GPHN: variants seen among roughly 807,000 people sequenced by gnomAD.
GPHN encodes the protein gephyrin.
In GPHN, 17 loss-of-function variants were observed where a neutral mutation model predicts 95.5. The ratio of observed to expected loss-of-function variants is 0.18; its 90% CI spans 0.12 to 0.27. GPHN has a LOEUF of 0.27. Ranked by LOEUF, GPHN falls within the 10% of genes least tolerant of loss-of-function variation. GPHN has a pLI of 1.00. For missense variants in GPHN, 660 were observed against 978.1 expected, an observed-to-expected ratio of 0.67 and a Z score of 4.34; for synonymous variants, 320 against 322.5, an observed-to-expected ratio of 0.99 and a Z score of 0.08.
intron 18 of GPHN, among the ~76,000 whole-genome samples, chr14:67,150,448 A>AC (rs1567410488): frequency 7.7e-5 from 11 of 143,144 alleles, no homozygotes; most frequent in African/African-American, 2.9e-4. Context: ...CTCAAAAAAA[A>AC]AAAACAAAAA....
chr14:67,647,183 T>C, the GPHN span: 1 of 543,600 alleles, frequency 1.8e-6, no homozygotes, highest in South Asian at 2.8e-5. Context: ...ACAGGTCATA[T>C]TCTTCCTCTG....
At chr14:67,313,960 AAAAC>A in the GPHN span, among the ~76,000 whole-genome samples, 2,924 of 151,676 alleles carry the variant, frequency 0.019, 37 homozygotes, top group Middle Eastern at 0.034. Context: ...AAGTTCTCAG[AAAAC>A]AAACAAAAAT....
the GPHN span, among the ~76,000 whole-genome samples, chr14:67,539,798 C>T: frequency 6.6e-6 from 1 of 152,188 alleles, no homozygotes; most frequent in Non-Finnish European, 1.5e-5. Context: ...TTCTCTGTTC[C>T]TCAGTGTCCT....
chr14:67,576,386 C>T, the GPHN span: 6 of 1,555,382 alleles, frequency 3.9e-6, no homozygotes, highest in East Asian at 6.7e-5. This position sits in a 1 kb window ranked among gnomAD's most constrained non-coding sequence, Gnocchi z 4.0. Context: ...GCTTTCCGCC[C>T]TCTTCCAGGA....
At chr14:67,188,158 C>T in the GPHN span, among the ~76,000 whole-genome samples, 1 of 152,152 alleles carries the variant, frequency 6.6e-6, no homozygotes, top group African/African-American at 2.4e-5. Context: ...AGGCCCATCT[C>T]ATGAGGGACA....
intron 17 of GPHN, among the ~76,000 whole-genome samples, chr14:67,140,808 G>A (rs912999797): frequency 3.3e-5 from 5 of 152,186 alleles, no homozygotes; most frequent in African/African-American, 1.2e-4. Flanking sequence ...ATATTGTGTA[G>A]TATTTCAATA....
chr14:67,132,139 A>C (rs1157858305), intron 17 of GPHN, among the ~76,000 whole-genome samples: 1 of 152,220 alleles, frequency 6.6e-6, no homozygotes, highest in Non-Finnish European at 1.5e-5. Flanking sequence ...AAGCAGAAGG[A>C]CAAATACTGA....
chr14:67,115,546 A>C (rs1440498423), intron 16 of GPHN, among the ~76,000 whole-genome samples: 1 of 152,172 alleles, frequency 6.6e-6, no homozygotes, highest in Non-Finnish European at 1.5e-5. Context: ...CAGACTGACC[A>C]ACATGGTGAA....
chr14:66,559,376 T>TC (rs2060137760), intron 1 of GPHN, among the ~76,000 whole-genome samples: 1 of 125,938 alleles, frequency 7.9e-6, no homozygotes, highest in Non-Finnish European at 1.6e-5. Flanking sequence ...GTGTTCGTAT[T>TC]TCTCCACATC....
the GPHN span, among the ~76,000 whole-genome samples, chr14:67,292,251 T>C: frequency 1.3e-5 from 2 of 152,202 alleles, no homozygotes; most frequent in South Asian, 4.1e-4. Flanking sequence ...ATTCCTCCCC[T>C]CACTTGTTTT....
At chr14:67,108,804 A>AACAT (rs1374691746) in intron 13 of GPHN, among the ~76,000 whole-genome samples, 3 of 151,830 alleles carry the variant, frequency 2.0e-5, no homozygotes, top group Non-Finnish European at 4.4e-5. Flanking sequence ...ACAATGACAA[A>AACAT]ACATACACAC....
intron 12 of GPHN, among the ~76,000 whole-genome samples, chr14:67,093,864 CT>C (rs1450290961): frequency 2.0e-5 from 3 of 152,114 alleles, no homozygotes; most frequent in Non-Finnish European, 4.4e-5. Flanking sequence ...CTACCAACCC[CT>C]CCTATAATCT....
chr14:67,148,592 G>A (rs1262365510), intron 18 of GPHN, among the ~76,000 whole-genome samples: 15 of 124,716 alleles, frequency 1.2e-4, no homozygotes, highest in Admixed American at 2.0e-4. Context: ...ACAGAGGCTC[G>A]CTCTGTCACC....
intron 4 of GPHN, among the ~76,000 whole-genome samples, chr14:66,856,015 G>T (rs2062788921): frequency 6.6e-6 from 1 of 151,914 alleles, no homozygotes; most frequent in South Asian, 2.1e-4. Flanking sequence ...TTTCTGACAG[G>T]TATCTTTTAT....
At chr14:67,264,149 C>T in the GPHN span, among the ~76,000 whole-genome samples, 1 of 152,108 alleles carries the variant, frequency 6.6e-6, no homozygotes, top group Non-Finnish European at 1.5e-5. Context: ...CAAGAGTACC[C>T]GTTAAAATTG....
At chr14:66,847,265 A>T (rs560635388) in intron 4 of GPHN, among the ~76,000 whole-genome samples, 1 of 152,190 alleles carries the variant, frequency 6.6e-6, no homozygotes, top group African/African-American at 2.4e-5. Flanking sequence ...CTTAGCAATA[A>T]TGAACAATTT....
chr14:66,936,516 A>G (rs1457290927), intron 8 of GPHN, among the ~76,000 whole-genome samples: 1 of 152,230 alleles, frequency 6.6e-6, no homozygotes, highest in East Asian at 1.9e-4. Flanking sequence ...TGATCCAAGC[A>G]AAAAAGCTTT....
the GPHN span, among the ~76,000 whole-genome samples, chr14:67,458,786 A>G: frequency 3.9e-5 from 6 of 152,158 alleles, no homozygotes; most frequent in Non-Finnish European, 8.8e-5. Flanking sequence ...CAGTGGCCTG[A>G]TCTTGGCTCA....
the GPHN span, chr14:67,589,392 G>C: frequency 2.0e-6 from 2 of 984,996 alleles, no homozygotes; most frequent in Non-Finnish European, 2.4e-6. Context: ...CTGGCCTTTT[G>C]TCTCATCCTT....
Sources: allele counts gnomAD v4.1 joint callset (sites outside exome capture counted in the v4.1 genomes callset), GRCh38; gene constraint gnomAD v4.1.1; non-coding constraint Gnocchi (gnomAD v3.1); transcripts MANE v1.5; gene names NCBI Gene and HGNC (gene_info 2026-07-23, HGNC 2026-07-21).